Variants in C1orf74 observed in about 807,000 individuals in gnomAD.
C1orf74 encodes the protein chromosome 1 open reading frame 74.
Under a neutral mutation model 7.3 loss-of-function variants are expected in C1orf74, and 5 were observed. The ratio of observed to expected loss-of-function variants is 0.68; its 90% CI spans 0.36 to 1.44. The LOEUF (loss-of-function observed/expected upper bound fraction) is 1.44, where lower values mean the gene tolerates loss of function less well. C1orf74 is among the 40% of genes most tolerant of loss of function. The probability of loss-of-function intolerance (pLI) is 0.04; values close to 1 mark genes in which losing one functional copy is unlikely to be tolerated. For synonymous variants in C1orf74, 121 were observed against 132.5 expected (o/e 0.91, Z 0.59); for missense variants, 291 against 314.3 (o/e 0.93, Z 0.56).
chr1:209,781,260 T>G lies in C1orf74; in HGVS notation c.*1565A>C. On this transcript the variant is annotated 3_prime_UTR_variant, in exon 2 of 2. Transcript: ENST00000294811. Reference sequence around the variant, plus strand: ...GATGGTGGTAAAAATTCCAAATGAGTGAAACTTACAAAGGGCAGTCTCCCC... The same window carrying G: ...GATGGTGGTAAAAATTCCAAATGAGGGAAACTTACAAAGGGCAGTCTCCCC... 3 of 842,398 alleles carry G rather than the reference T, an allele frequency of 3.6e-6. No homozygotes were observed. Among genetic ancestry groups the G allele is most frequent in the Non-Finnish European group, 5.8e-6 (3 of 517,926 alleles). The allele number at this position is 842,398 out of a possible 1,614,324, so 52.2% of individuals were successfully genotyped here.
In C1orf74 at chr1:209,779,211, G is replaced by T; in HGVS notation, c.*3614C>A. On this transcript the variant is annotated 3_prime_UTR_variant, in exon 2 of 2. Transcript: ENST00000294811. ...GGGGGACAAAATTCAACACACAGCA[G>T]ATGGGAACATATTTAATAACCAAGG... The T allele has an allele frequency of 1.2e-6, 1 of 863,638 alleles. No individual in the cohort carries two copies. The highest frequency in any genetic ancestry group is 2.2e-5 in the Admixed American group (1 of 45,200). 53.5% of individuals were successfully genotyped at this position (863,638 alleles called of 1,614,324 possible).
chr1:209,783,582 G>C lies in C1orf74; in HGVS notation c.53C>G (p.Ala18Gly). The C allele has an allele frequency of 1.9e-6, 3 of 1,611,766 alleles. No homozygotes were observed. Among genetic ancestry groups the C allele is most frequent in the Non-Finnish European group, 1.7e-6 (2 of 1,179,144 alleles). ...SSPSPQLLVA[A>G]AQQTLGMGKR... Reference sequence around the variant, plus strand: ...TCCCATGCCAAGGGTCTGCTGAGCAGCTGCCACCAGCAGCTGAGGGCTCGG... The same window carrying C: ...TCCCATGCCAAGGGTCTGCTGAGCACCTGCCACCAGCAGCTGAGGGCTCGG... The change falls in exon 2 of 2, where the codon GCT becomes GGT. Residue 18 changes from alanine to glycine, a missense_variant. Transcript: ENST00000294811.
rs1355349110 is a variant in C1orf74 at position 209,783,023 on chromosome 1, A to G, written c.612T>C (p.Thr204=). The change falls in exon 2 of 2, where the codon ACT becomes ACC. Residue 204 remains threonine (T), a synonymous_variant. Transcript: ENST00000294811. ...CLALTPLRVF[T]ARISWLLGQP... ...GACCTAGCAACCATGAGATCCGGGC[A>G]GTGAATACTCGTAGTGGAGTCAGAG... 6.2e-7 allele frequency: 1 copy of G among 1,614,214 alleles called. No individual in the cohort carries two copies. The highest frequency in any genetic ancestry group is 2.2e-5 in the East Asian group (1 of 44,886).
At position 209,779,815 on chromosome 1, in the gene C1orf74, C is replaced by T. The variant is rs2077738830; in HGVS notation, c.*3010G>A. ...TGTGTATACAGAGGGGCAATAGCTC[C>T]TCACCTGTCCACTACACACGACCTT... On this transcript the variant is annotated 3_prime_UTR_variant, in exon 2 of 2. Transcript: ENST00000294811. 2.8e-6 allele frequency: 1 copy of T among 358,500 alleles called. No homozygotes were observed. The highest frequency in any genetic ancestry group is 5.1e-6 in the Non-Finnish European group (1 of 195,836). 22.2% of individuals were successfully genotyped at this position (358,500 alleles called of 1,614,324 possible). A position where few individuals can be genotyped will look rare whatever the true frequency, so the allele number is the denominator to read the frequency against.
rs557322654 is a variant in C1orf74, at chr1:209,779,362, T to C, written c.*3463A>G. Reference sequence around the variant, plus strand: ...ACAGCTTCAAGAACAGGAGAAACTCTTAACAAAGAAAGGTCAGCAAATTTA... The same window carrying C: ...ACAGCTTCAAGAACAGGAGAAACTCCTAACAAAGAAAGGTCAGCAAATTTA... On this transcript the variant is annotated 3_prime_UTR_variant, in exon 2 of 2. Coordinates refer to ENST00000294811, the MANE Select transcript of C1orf74 (RefSeq NM_152485.4). 9 of 1,614,086 alleles carry C rather than the reference T, an allele frequency of 5.6e-6. No individual in the cohort carries two copies. In the East Asian group the frequency reaches 6.7e-5, roughly 12 times the overall value.
chr1:209,782,999 A>G lies in C1orf74; in HGVS notation c.636T>C (p.Gly212=), dbSNP rs2077806843. 1.2e-6 allele frequency: 2 copies of G among 1,614,184 alleles called. No homozygotes were observed. Among genetic ancestry groups the G allele is most frequent in the African/African-American group, 1.3e-5 (1 of 75,038 alleles). ...AAGAATAGAGCAGGATTGGGGGTTG[A>G]CCTAGCAACCATGAGATCCGGGCAG... The part of the protein sequence containing the change: ...VFTARISWLL[G]QPPILLYSFS... The change falls in exon 2 of 2, where the codon GGT becomes GGC. Residue 212 remains glycine, a synonymous_variant. Transcript: ENST00000294811.
rs764720339 is a variant in C1orf74 at position 209,781,356 on chromosome 1, G to A, written c.*1469C>T. 4 of 1,611,698 alleles carry A rather than the reference G, an allele frequency of 2.5e-6. No homozygotes were observed. In the South Asian group the frequency reaches 4.4e-5, roughly 18 times the overall value. Reference sequence around the variant, plus strand: ...GATGTTCTCCCCAGTGCAGAGAACTGCATTCAGAATTAGACAACCTCAGTG... The same window carrying A: ...GATGTTCTCCCCAGTGCAGAGAACTACATTCAGAATTAGACAACCTCAGTG... On this transcript the variant is annotated 3_prime_UTR_variant, in exon 2 of 2. Coordinates refer to ENST00000294811, the MANE Select transcript of C1orf74 (RefSeq NM_152485.4).
chr1:209,783,437 G>A lies in C1orf74; in HGVS notation c.198C>T (p.Leu66=), dbSNP rs1490791233. 3.7e-6 allele frequency: 6 copies of A among 1,614,124 alleles called. No homozygotes were observed. In the East Asian group the frequency reaches 1.3e-4, roughly 36 times the overall value. The part of the protein sequence containing the change: ...YDCNCAGASE[L]QSYLEELKGL... Reference sequence around the variant, plus strand: ...CCTTCAGCTCCTCCAGATAGCTCTGGAGCTCTGATGCCCCTGCACAGTTGC... The same window carrying A: ...CCTTCAGCTCCTCCAGATAGCTCTGAAGCTCTGATGCCCCTGCACAGTTGC... Residue 66 remains leucine, a synonymous_variant, in exon 2 of 2, where the codon CTC becomes CTT. Coordinates refer to ENST00000294811, the MANE Select transcript of C1orf74 (RefSeq NM_152485.4).
chr1:209,783,074 C>T lies in C1orf74; in HGVS notation c.561G>A (p.Leu187=), dbSNP rs1286200381. The change falls in exon 2 of 2, where the codon CTG becomes CTA. Residue 187 remains leucine, a synonymous_variant. Transcript: ENST00000294811. Reference sequence around the variant, plus strand: ...CTAAGCAGTTGTCATCTCCCTGGTTCAGGTGAAAGGTATAGGGAACAGGAT... The same window carrying T: ...CTAAGCAGTTGTCATCTCCCTGGTTTAGGTGAAAGGTATAGGGAACAGGAT... The part of the protein sequence containing the change: ...LGYPVPYTFH[L]NQGDDNCLAL... The T allele has an allele frequency of 6.2e-7, 1 of 1,614,052 alleles. No homozygotes were observed. Among genetic ancestry groups the T allele is most frequent in the Non-Finnish European group, 8.5e-7 (1 of 1,180,040 alleles).
intron 1 of C1orf74, among the ~76,000 whole-genome samples, chr1:209,784,122 T>C (rs1347928607): frequency 5.3e-5 from 8 of 152,114 alleles, no homozygotes; most frequent in East Asian, 1.9e-4. Context: ...CGCCAGAGAA[T>C]AGTTATAAGA....
rs1448761481 is a variant in C1orf74, at chr1:209,784,495, C to T, written c.-193G>A. 1.3e-5 allele frequency: 2 copies of T among 152,276 alleles called. No individual in the cohort carries two copies. The highest frequency in any genetic ancestry group is 4.1e-4 in the South Asian group (2 of 4,838). The allele number at this position is 152,276 out of a possible 1,614,324, so 9.4% of individuals were successfully genotyped here. A position where few individuals can be genotyped will look rare whatever the true frequency, so the allele number is the denominator to read the frequency against. Reference sequence around the variant, plus strand: ...CAGCCGCAAGTAACACTGGAAAACCCGCCTGCGCTGGGAAGACCCTCGCAG... The same window carrying T: ...CAGCCGCAAGTAACACTGGAAAACCTGCCTGCGCTGGGAAGACCCTCGCAG... On this transcript the variant is annotated 5_prime_UTR_variant, in exon 1 of 2. Coordinates refer to ENST00000294811, the MANE Select transcript of C1orf74 (RefSeq NM_152485.4).
Position 209,782,234 on chromosome 1 carries a change from G to C in C1orf74, c.*591C>G, listed in dbSNP as rs551776018. 6 of 1,071,894 alleles carry C rather than the reference G, an allele frequency of 5.6e-6. No individual in the cohort carries two copies. In the African/African-American group the frequency reaches 7.8e-5, roughly 14 times the overall value. 66.4% of individuals were successfully genotyped at this position (1,071,894 alleles called of 1,614,324 possible). ...GAAGGTTTGGGTACATTACAGCTTG[G>C]GTTTTCCAACTGACTTAGGATTTCT... On this transcript the variant is annotated 3_prime_UTR_variant, in exon 2 of 2. Transcript: ENST00000294811.
rs2077786330 is a variant in C1orf74 at position 209,781,775 on chromosome 1, G to C, written c.*1050C>G. On this transcript the variant is annotated 3_prime_UTR_variant, in exon 2 of 2. Coordinates refer to ENST00000294811, the MANE Select transcript of C1orf74 (RefSeq NM_152485.4). ...ACACAAAAGTACTGGGGAATACAAA[G>C]AAAGAATATAATTTTGCTGGGTTAT... 8.0e-6 allele frequency: 4 copies of C among 497,178 alleles called. No individual in the cohort carries two copies. Among genetic ancestry groups the C allele is most frequent in the Non-Finnish European group, 1.1e-5 (3 of 277,424 alleles). The allele number at this position is 497,178 out of a possible 1,614,324, so 30.8% of individuals were successfully genotyped here.
rs2077780699 is a variant in C1orf74 at position 209,781,557 on chromosome 1, T to C, written c.*1268A>G. 1.2e-6 allele frequency: 1 copy of C among 809,454 alleles called. No individual in the cohort carries two copies. The highest frequency in any genetic ancestry group is 2.0e-5 in the Admixed American group (1 of 49,592). 50.1% of individuals were successfully genotyped at this position (809,454 alleles called of 1,614,324 possible). ...AAATATATCAGCCCACGCCAACAACTGGCCATCCTGTCCCACTGTGCTTGG... is the reference window on the plus strand; with the variant it reads ...AAATATATCAGCCCACGCCAACAACCGGCCATCCTGTCCCACTGTGCTTGG... On this transcript the variant is annotated 3_prime_UTR_variant, in exon 2 of 2. Transcript: ENST00000294811.
Position 209,782,924 on chromosome 1 carries a change from G to A in C1orf74, c.711C>T (p.Thr237=), listed in dbSNP as rs2077806214. ...LFPGLRDILN[T]WEKDLRTRFR... is the part of the protein sequence containing the mutation. ...ATCGGGTTCTGAGGTCCTTCTCCCA[G>A]GTGTTTAGAATGTCCCTCAGGCCTG... Residue 237 remains threonine, a synonymous_variant, in exon 2 of 2, where the codon ACC becomes ACT. Transcript: ENST00000294811. 3 of 1,614,148 alleles carry A rather than the reference G, an allele frequency of 1.9e-6. No homozygotes were observed. Among genetic ancestry groups the A allele is most frequent in the Non-Finnish European group, 1.7e-6 (2 of 1,180,020 alleles).
rs2077787882 is a variant in C1orf74, at chr1:209,781,840, G to A, written c.*985C>T. 1.8e-6 allele frequency: 1 copy of A among 567,280 alleles called. No individual in the cohort carries two copies. Among genetic ancestry groups the A allele is most frequent in the Admixed American group, 3.1e-5 (1 of 32,424 alleles). The allele number at this position is 567,280 out of a possible 1,614,324, so 35.1% of individuals were successfully genotyped here. ...TATTCATATCAGTATTTATATATCT[G>A]GTCCCTGATGGATACGGCTCCCTGG... On this transcript the variant is annotated 3_prime_UTR_variant, in exon 2 of 2. Transcript: ENST00000294811.
In C1orf74 at chr1:209,780,446, C is replaced by T; in HGVS notation, c.*2379G>A. 1 of 1,535,792 alleles carries T rather than the reference C, an allele frequency of 6.5e-7. No individual in the cohort carries two copies. The highest frequency in any genetic ancestry group is 8.8e-7 in the Non-Finnish European group (1 of 1,134,270). On this transcript the variant is annotated 3_prime_UTR_variant, in exon 2 of 2. Coordinates refer to ENST00000294811, the MANE Select transcript of C1orf74 (RefSeq NM_152485.4). The stretch of plus-strand genomic sequence containing the variant: ...CTCAGAGGTGTGGGCCTCACTGTCA[C>T]CAAGAATCTGGCTGCTTTTTTAGAT...
Position 209,780,753 on chromosome 1 carries a change from T to C in C1orf74, c.*2072A>G. 1.5e-6 allele frequency: 1 copy of C among 654,456 alleles called. No individual in the cohort carries two copies. Among genetic ancestry groups the C allele is most frequent in the Non-Finnish European group, 2.2e-6 (1 of 454,722 alleles). The allele number at this position is 654,456 out of a possible 1,614,324, so 40.5% of individuals were successfully genotyped here. ...TGCCTACATAAAGTGTCTGTGCTTTTGGGCTGACTTGTCAATCTTTTCCCT... is the reference window on the plus strand; with the variant it reads ...TGCCTACATAAAGTGTCTGTGCTTTCGGGCTGACTTGTCAATCTTTTCCCT... On this transcript the variant is annotated 3_prime_UTR_variant, in exon 2 of 2. Transcript: ENST00000294811.
At position 209,780,715 on chromosome 1, in the gene C1orf74, A is replaced by G. The variant is rs2077758971; in HGVS notation, c.*2110T>C. ...AAGTTTAAGTTGTGAGTGGATAACC[A>G]CAGACATTCATTTGCCTACATAAAG... On this transcript the variant is annotated 3_prime_UTR_variant, in exon 2 of 2. Coordinates refer to ENST00000294811, the MANE Select transcript of C1orf74 (RefSeq NM_152485.4). 3.8e-6 allele frequency: 4 copies of G among 1,061,654 alleles called. No homozygotes were observed. Among genetic ancestry groups the G allele is most frequent in the Non-Finnish European group, 5.0e-6 (4 of 794,728 alleles). The allele number at this position is 1,061,654 out of a possible 1,614,324, so 65.8% of individuals were successfully genotyped here.
Sources: gnomAD v4.1 joint callset for allele counts (sites outside exome capture counted in the v4.1 genomes callset) on GRCh38, gnomAD v4.1.1 for gene constraint, MANE v1.5 for transcripts, NCBI Gene and HGNC (gene_info 2026-07-23, HGNC 2026-07-21) for gene names.